The following ITGA9 variants were observed in gnomAD, a reference collection of about 807,000 sequenced individuals.
ITGA9 encodes the protein integrin subunit alpha 9.
ITGA9 carries 56 observed loss-of-function variants against 127.8 expected under a neutral mutation model. The ratio of observed to expected loss-of-function variants is 0.44; its 90% CI spans 0.35 to 0.55. The LOEUF (loss-of-function observed/expected upper bound fraction) is 0.55. Ranked by LOEUF, ITGA9 falls within the 20% of genes least tolerant of loss-of-function variation. The probability of loss-of-function intolerance (pLI) is 0.00; values close to 1 mark genes in which losing one functional copy is unlikely to be tolerated. For missense variants in ITGA9, 1,196 were observed against 1,347.1 expected, an observed-to-expected ratio of 0.89 and a Z score of 1.76; for synonymous variants, 508 against 514.5, an observed-to-expected ratio of 0.99 and a Z score of 0.17.
At chr3:37,692,419 G>GTGTGTC (rs1197106272) in intron 18 of ITGA9, among the ~76,000 whole-genome samples, 1 of 151,248 alleles carries the variant, frequency 6.6e-6, no homozygotes, top group African/African-American at 2.4e-5. Context: ...GAGAGTGTGT[G>GTGTGTC]TGTGTGTGTG....
intron 18 of ITGA9, among the ~76,000 whole-genome samples, chr3:37,697,938 G>A (rs1451151506): frequency 1.3e-5 from 2 of 152,164 alleles, no homozygotes; most frequent in African/African-American, 4.8e-5. Flanking sequence ...TGAACTAGTT[G>A]ACAGTCCCAC....
At chr3:37,511,612 G>A (rs1019466552) in intron 8 of ITGA9, among the ~76,000 whole-genome samples, 1 of 152,222 alleles carries the variant, frequency 6.6e-6, no homozygotes, top group African/African-American at 2.4e-5. Flanking sequence ...CTCAGATGGG[G>A]AGATTGGCAA....
chr3:37,515,398 G>A (rs1698974592), intron 9 of ITGA9, among the ~76,000 whole-genome samples: 1 of 152,194 alleles, frequency 6.6e-6, no homozygotes, highest in African/African-American at 2.4e-5. Flanking sequence ...CAGAAAGGAA[G>A]GAAGCAGTGA....
chr3:37,495,423 G>A (rs1452893662), intron 5 of ITGA9, among the ~76,000 whole-genome samples: 5 of 152,128 alleles, frequency 3.3e-5, no homozygotes, highest in Non-Finnish European at 7.4e-5. Flanking sequence ...TTTGCCCTTC[G>A]TATCAGTTCC....
chr3:37,718,474 A>AT (rs998585145), intron 18 of ITGA9, among the ~76,000 whole-genome samples: 1 of 152,032 alleles, frequency 6.6e-6, no homozygotes, highest in South Asian at 2.1e-4. Context: ...CAGAGAAGGC[A>AT]TTTTTTTTCT....
chr3:37,603,253 A>T (rs55784824), intron 15 of ITGA9, among the ~76,000 whole-genome samples: 20,190 of 152,168 alleles, frequency 0.13, 1,692 homozygotes, highest in Admixed American at 0.27. Context: ...TTCCAAAAAA[A>T]TGGATGGTTG....
intron 26 of ITGA9, among the ~76,000 whole-genome samples, chr3:37,801,663 C>T (rs559118260): frequency 6.6e-6 from 1 of 152,096 alleles, no homozygotes; most frequent in South Asian, 2.1e-4. Context: ...TAAAAAGTAG[C>T]CAGCCATGCA....
At chr3:37,489,691 C>CTT (rs10579497) in intron 4 of ITGA9, among the ~76,000 whole-genome samples, 1 of 132,276 alleles carries the variant, frequency 7.6e-6, no homozygotes, top group Non-Finnish European at 1.6e-5. Context: ...TATAATTGCC[C>CTT]TTTTTTTTTT....
chr3:37,585,681 C>T (rs1699751444), intron 15 of ITGA9: 3 of 510,588 alleles, frequency 5.9e-6, no homozygotes, highest in Admixed American at 2.0e-5. Context: ...AAGGAAACTA[C>T]AGGTGAAACG....
At chr3:37,469,722 A>G (rs1478920400) in intron 1 of ITGA9, among the ~76,000 whole-genome samples, 1 of 151,950 alleles carries the variant, frequency 6.6e-6, no homozygotes, top group Non-Finnish European at 1.5e-5. Context: ...TCAGTATTGT[A>G]TTTGTGCAGT....
intron 11 of ITGA9, among the ~76,000 whole-genome samples, chr3:37,523,081 C>T (rs1420620966): frequency 6.6e-6 from 1 of 152,110 alleles, no homozygotes; most frequent in Non-Finnish European, 1.5e-5. Flanking sequence ...TAATGTGTGC[C>T]TCTTAGGAGC....
intron 17 of ITGA9, among the ~76,000 whole-genome samples, chr3:37,661,983 A>G (rs550374055): frequency 1.7e-4 from 26 of 152,252 alleles, no homozygotes; most frequent in Non-Finnish European, 3.7e-4. Flanking sequence ...AGGAGAACAC[A>G]GTGAGAGACA....
intron 1 of ITGA9, among the ~76,000 whole-genome samples, chr3:37,464,252 C>T (rs1189398654): frequency 3.4e-5 from 5 of 148,446 alleles, no homozygotes; most frequent in South Asian, 4.3e-4. Context: ...TCCTTCATGG[C>T]GTCCCACAGC....
chr3:37,494,020 G>A (rs1351667514), intron 4 of ITGA9, among the ~76,000 whole-genome samples: 3 of 152,072 alleles, frequency 2.0e-5, no homozygotes, highest in Admixed American at 6.5e-5. Flanking sequence ...TTCTTCTTGC[G>A]GTCCTCTGTG....
chr3:37,602,273 A>G (rs1406295862), intron 15 of ITGA9, among the ~76,000 whole-genome samples: 1 of 152,064 alleles, frequency 6.6e-6, no homozygotes, highest in African/African-American at 2.4e-5. Flanking sequence ...AAAACAAAAC[A>G]AAACAAAAAA....
intron 7 of ITGA9, among the ~76,000 whole-genome samples, chr3:37,508,053 T>C (rs1295077224): frequency 6.6e-6 from 1 of 152,220 alleles, no homozygotes; most frequent in African/African-American, 2.4e-5. Context: ...AACTCATTTT[T>C]ACCCAGGCAG....
intron 11 of ITGA9, among the ~76,000 whole-genome samples, chr3:37,522,088 G>A (rs1699049900): frequency 6.6e-6 from 1 of 152,052 alleles, no homozygotes; most frequent in Non-Finnish European, 1.5e-5. Context: ...TGACTTCTCT[G>A]CAGGATGACT....
intron 4 of ITGA9, among the ~76,000 whole-genome samples, chr3:37,482,659 A>G (rs563753826): frequency 2.0e-5 from 3 of 152,298 alleles, no homozygotes; most frequent in African/African-American, 7.2e-5. Context: ...GAGAAACACT[A>G]TATGGACACT....
At chr3:37,658,450 A>G (rs1021186089) in intron 17 of ITGA9, among the ~76,000 whole-genome samples, 6 of 152,032 alleles carry the variant, frequency 3.9e-5, no homozygotes, top group South Asian at 2.1e-4. Flanking sequence ...GCCATTCTTT[A>G]TGTTTTTTTG....
Sources: allele counts gnomAD v4.1 joint callset (sites outside exome capture counted in the v4.1 genomes callset), GRCh38; gene constraint gnomAD v4.1.1; transcripts MANE v1.5; gene names NCBI Gene and HGNC (gene_info 2026-07-23, HGNC 2026-07-21).